Variants in ERC1 observed in about 807,000 individuals in gnomAD.
ERC1 encodes the protein ELKS/RAB6-interacting/CAST family member 1.
ERC1 carries 56 observed loss-of-function variants against 132.0 expected under a neutral mutation model. That is an observed-to-expected ratio of 0.42 (90% CI 0.34 to 0.53). The LOEUF is 0.53. Among genes scored for constraint, ERC1 ranks in the 20% least tolerant of loss-of-function variants. The probability of loss-of-function intolerance (pLI) is 0.03; values close to 1 mark genes in which losing one functional copy is unlikely to be tolerated. For missense variants in ERC1, 1,202 were observed against 1,349.9 expected (o/e 0.89, Z 1.72); for synonymous variants, 478 against 476.1 (o/e 1.00, Z -0.05).
At chr12:1,174,405 ACAGT>A (rs1321116146) in intron 8 of ERC1, among the ~76,000 whole-genome samples, 8 of 152,232 alleles carry the variant, frequency 5.3e-5, no homozygotes, top group African/African-American at 7.2e-5. Context: ...CTCCGACTCA[ACAGT>A]CAGTCTCTCT....
At chr12:1,307,363 G>A (rs1352298368) in intron 15 of ERC1, among the ~76,000 whole-genome samples, 2 of 152,304 alleles carry the variant, frequency 1.3e-5, no homozygotes, top group Admixed American at 1.3e-4. Flanking sequence ...CACAGGCCCT[G>A]TAAACATGTT....
intron 18 of ERC1, among the ~76,000 whole-genome samples, chr12:1,456,873 C>G (rs1289744658): frequency 1.3e-5 from 2 of 151,908 alleles, no homozygotes; most frequent in African/African-American, 4.8e-5. Flanking sequence ...CCCCATAATT[C>G]TAATAATCTA....
At chr12:1,442,126 C>T (rs1355849100) in intron 17 of ERC1, among the ~76,000 whole-genome samples, 1 of 152,110 alleles carries the variant, frequency 6.6e-6, no homozygotes, top group African/African-American at 2.4e-5. Context: ...CAGGGTTTCA[C>T]CATGTTGGCC....
At chr12:1,052,736 G>A (rs1972239132) in intron 2 of ERC1, among the ~76,000 whole-genome samples, 1 of 152,208 alleles carries the variant, frequency 6.6e-6, no homozygotes, top group African/African-American at 2.4e-5. Context: ...TTGGGAGGCG[G>A]AGGAGGGCGG....
intron 15 of ERC1, among the ~76,000 whole-genome samples, chr12:1,345,908 C>T (rs1380548707): frequency 6.6e-6 from 1 of 152,126 alleles, no homozygotes; most frequent in African/African-American, 2.4e-5. Flanking sequence ...TGTTTATTTG[C>T]CATTCTACTT....
chr12:1,105,284 C>T (rs1283880170), intron 4 of ERC1, among the ~76,000 whole-genome samples: 3 of 152,182 alleles, frequency 2.0e-5, no homozygotes, highest in Admixed American at 6.6e-5. Flanking sequence ...TATTTCAGTA[C>T]GCAGCTTCAT....
intron 8 of ERC1, 144 bp downstream of exon 8, chr12:1,141,931 C>T (rs754095167): frequency 3.2e-5 from 19 of 587,126 alleles, no homozygotes; most frequent in East Asian, 9.7e-5. Flanking sequence ...ACTCTTGTTG[C>T]GGTAGGTAGA....
chr12:1,311,474 T>G (rs2081299235), intron 15 of ERC1, among the ~76,000 whole-genome samples: 1 of 152,250 alleles, frequency 6.6e-6, no homozygotes, highest in South Asian at 2.1e-4. Context: ...ATGCCTTTGA[T>G]CTTTCTTATT....
chr12:1,053,577 C>T (rs1972416640), intron 2 of ERC1, among the ~76,000 whole-genome samples: 1 of 152,182 alleles, frequency 6.6e-6, no homozygotes, highest in African/African-American at 2.4e-5. Context: ...TGTATAGCTT[C>T]AATTGTCCTC....
intron 1 of ERC1, among the ~76,000 whole-genome samples, chr12:1,011,149 G>A (rs893788223): frequency 1.3e-5 from 2 of 152,108 alleles, no homozygotes; most frequent in African/African-American, 4.8e-5. Flanking sequence ...TGTTCACCCT[G>A]GAATTACAGT....
intron 12 of ERC1, among the ~76,000 whole-genome samples, chr12:1,233,116 A>C (rs2075166961): frequency 6.6e-6 from 1 of 152,178 alleles, no homozygotes; most frequent in Non-Finnish European, 1.5e-5. Context: ...AACTCTACAC[A>C]CAGAAGAGAC....
chr12:1,495,376 T>C lies in ERC1; in HGVS notation c.*5146T>C, dbSNP rs535086217. ...AGATCTCCTAGGCCCAGGCTCTCTC[T>C]TGACCCCAGAGAAGCCACTGTCAGG... is the stretch of plus-strand genomic sequence containing the variant. On this transcript the variant is annotated 3_prime_UTR_variant, in exon 19 of 19. Transcript: ENST00000360905. 5.7e-4 allele frequency: 131 copies of C among 228,142 alleles called. No individual in the cohort carries two copies. Among genetic ancestry groups the C allele is most frequent in the Non-Finnish European group, 1.0e-3 (120 of 114,836 alleles). The allele number at this position is 228,142 out of a possible 1,614,324, so 14.1% of individuals were successfully genotyped here.
chr12:1,426,079 A>G (rs2092627233), intron 17 of ERC1, among the ~76,000 whole-genome samples: 3 of 152,042 alleles, frequency 2.0e-5, no homozygotes, highest in African/African-American at 7.3e-5. Context: ...TAGTATCTGA[A>G]GTCTAACACA....
At chr12:1,348,790 CG>C (rs1413204149) in intron 15 of ERC1, among the ~76,000 whole-genome samples, 1 of 152,110 alleles carries the variant, frequency 6.6e-6, no homozygotes, top group African/African-American at 2.4e-5. Context: ...CACGGGTCAC[CG>C]GAATGTAGGT....
At chr12:1,225,942 A>G (rs1305302034) in intron 12 of ERC1, among the ~76,000 whole-genome samples, 1 of 152,244 alleles carries the variant, frequency 6.6e-6, no homozygotes, top group Non-Finnish European at 1.5e-5. Context: ...TTTGATTCAT[A>G]AAAACAGAAT....
chr12:1,452,029 C>T (rs1340072194), intron 18 of ERC1, among the ~76,000 whole-genome samples: 1 of 152,118 alleles, frequency 6.6e-6, no homozygotes, highest in Non-Finnish European at 1.5e-5. Context: ...AGAAATGAAA[C>T]CTGCTAATAC....
chr12:1,254,887 A>G (rs1263095835), intron 13 of ERC1, among the ~76,000 whole-genome samples: 1 of 152,022 alleles, frequency 6.6e-6, no homozygotes, highest in Non-Finnish European at 1.5e-5. Flanking sequence ...GCTAATTAAC[A>G]TATCCATCAC....
At chr12:1,234,282 T>G (rs1422529946) in intron 12 of ERC1, among the ~76,000 whole-genome samples, 1 of 152,228 alleles carries the variant, frequency 6.6e-6, no homozygotes, top group Admixed American at 6.5e-5. Context: ...CTTGTGATGC[T>G]GGACAGTGGC....
chr12:1,092,736 G>A (rs1467601676), intron 3 of ERC1, among the ~76,000 whole-genome samples: 3 of 152,176 alleles, frequency 2.0e-5, no homozygotes, highest in Admixed American at 2.0e-4. Context: ...CAAGGCGGGC[G>A]GATCGCCTGA....
Sources: gnomAD v4.1 joint callset for allele counts (sites outside exome capture counted in the v4.1 genomes callset) on GRCh38, gnomAD v4.1.1 for gene constraint, MANE v1.5 for transcripts, NCBI Gene and HGNC (gene_info 2026-07-23, HGNC 2026-07-21) for gene names.